The following IAH1 variants were observed in gnomAD, a reference collection of about 807,000 sequenced individuals.
IAH1 encodes the protein isoamyl acetate hydrolyzing esterase 1 (putative).
Under a neutral mutation model 26.7 loss-of-function variants are expected in IAH1, and 24 were observed. That is an observed-to-expected ratio of 0.90 (90% CI 0.65 to 1.26). The LOEUF (loss-of-function observed/expected upper bound fraction) is 1.26, where lower values mean the gene tolerates loss of function less well. IAH1 is among the 50% of genes most tolerant of loss of function. IAH1 has a pLI of 0.00. For synonymous variants in IAH1, 140 were observed against 118.5 expected (o/e 1.18, Z -1.18); for missense variants, 300 against 299.9 (o/e 1.00, Z 0.00).
chr2:9,490,483 C>T (rs1016756984), downstream of IAH1: 9 of 1,613,786 alleles, frequency 5.6e-6, no homozygotes, highest in Admixed American at 1.7e-5. Flanking sequence ...TAATGCGAAC[C>T]GATGCAGAAT....
the IAH1 span, among the ~76,000 whole-genome samples, chr2:9,505,763 C>A: frequency 1.3e-4 from 20 of 152,204 alleles, no homozygotes; most frequent in African/African-American, 4.8e-4. Flanking sequence ...GAATTAAGAA[C>A]CTCTGTAGGT....
At chr2:9,496,097 GTTCT>G (rs1253672361) in intron 6 of IAH1, among the ~76,000 whole-genome samples, 5 of 151,850 alleles carry the variant, frequency 3.3e-5, no homozygotes, top group Admixed American at 1.3e-4. Flanking sequence ...TAACTACCGG[GTTCT>G]TTGTCTTTTA....
chr2:9,501,847 C>A, the IAH1 span, among the ~76,000 whole-genome samples: 1 of 151,972 alleles, frequency 6.6e-6, no homozygotes, highest in Non-Finnish European at 1.5e-5. Context: ...GGTAGAATAT[C>A]ATTTTGGCAC....
intron 4 of IAH1, among the ~76,000 whole-genome samples, chr2:9,483,871 T>G (rs1003749844): frequency 6.6e-6 from 1 of 152,230 alleles, no homozygotes; most frequent in African/African-American, 2.4e-5. Context: ...ATCATAAGAA[T>G]GCAGAAAGCT....
At chr2:9,497,328 C>A, downstream of IAH1, 1 of 1,561,516 alleles carries the variant, frequency 6.4e-7, no homozygotes, top group South Asian at 1.2e-5. Context: ...CGCTGTTTCT[C>A]ATACAAGTGA....
intron 3 of IAH1, among the ~76,000 whole-genome samples, chr2:9,479,552 T>C (rs1661032347): frequency 6.6e-6 from 1 of 152,124 alleles, no homozygotes; most frequent in South Asian, 2.1e-4. Flanking sequence ...TATCAAAAAA[T>C]GCCAATTAAA....
At chr2:9,474,087 C>T (rs1390282126), upstream of IAH1, among the ~76,000 whole-genome samples, 1 of 152,180 alleles carries the variant, frequency 6.6e-6, no homozygotes, top group African/African-American at 2.4e-5. This position sits in a 1 kb window ranked among gnomAD's most constrained non-coding sequence, Gnocchi z 4.3. Context: ...GAGGTACTGC[C>T]AGGGTTTCCG....
At chr2:9,497,719 G>A (rs941156693), downstream of IAH1, among the ~76,000 whole-genome samples, 1 of 152,018 alleles carries the variant, frequency 6.6e-6, no homozygotes, top group African/African-American at 2.4e-5. Context: ...CTGGAATGCT[G>A]GTGTTTCCAC....
chr2:9,493,813 T>G, downstream of IAH1: 2 of 1,613,908 alleles, frequency 1.2e-6, no homozygotes, highest in Non-Finnish European at 1.7e-6. Context: ...TGTACTCGTT[T>G]CTCACATTTG....
chr2:9,494,837 C>G (rs1662445116), exon 6 of IAH1: 3 of 1,575,022 alleles, frequency 1.9e-6, no homozygotes, highest in South Asian at 2.3e-5. Flanking sequence ...CTCCTCTTTC[C>G]TCCCTGACCA....
intron 4 of IAH1, among the ~76,000 whole-genome samples, chr2:9,482,788 G>T (rs1008030873): frequency 6.6e-6 from 1 of 152,200 alleles, no homozygotes; most frequent in African/African-American, 2.4e-5. Context: ...GCCACACACC[G>T]GAGGCACAGA....
At chr2:9,493,615 T>C, downstream of IAH1, 1 of 714,788 alleles carries the variant, frequency 1.4e-6, no homozygotes, top group Non-Finnish European at 2.3e-6. Flanking sequence ...CAAAGTTGTT[T>C]CATAACTAAA....
chr2:9,476,335 A>G (rs1660787700), intron 2 of IAH1, among the ~76,000 whole-genome samples: 1 of 152,284 alleles, frequency 6.6e-6, no homozygotes, highest in African/African-American at 2.4e-5. Flanking sequence ...CTATGACTGC[A>G]GAACTTGCAG....
chr2:9,478,681 G>A (rs116147469), intron 3 of IAH1, among the ~76,000 whole-genome samples: 293 of 152,282 alleles, frequency 1.9e-3, no homozygotes, highest in African/African-American at 6.7e-3. Flanking sequence ...GAAAGCTTAA[G>A]GATACCTTGT....
upstream of IAH1, among the ~76,000 whole-genome samples, chr2:9,474,100 G>C (rs1245019441): frequency 1.3e-5 from 2 of 152,146 alleles, no homozygotes; most frequent in Non-Finnish European, 2.9e-5. This position sits in a 1 kb window ranked among gnomAD's most constrained non-coding sequence, Gnocchi z 4.3. Flanking sequence ...GGTTTCCGCA[G>C]TGCCTGCGTC....
intron 5 of IAH1, chr2:9,485,178 T>C (rs1378362555): frequency 2.0e-5 from 3 of 152,346 alleles, no homozygotes; most frequent in African/African-American, 4.8e-5. Flanking sequence ...AACACGCCAG[T>C]GTCCTTCTGT....
chr2:9,483,794 C>G (rs1165783230), intron 4 of IAH1, among the ~76,000 whole-genome samples: 2 of 152,184 alleles, frequency 1.3e-5, no homozygotes, highest in Non-Finnish European at 2.9e-5. Context: ...TCGTTCTGTG[C>G]TAGCTGCTTT....
downstream of IAH1, chr2:9,490,448 G>A: frequency 6.2e-7 from 1 of 1,614,180 alleles, no homozygotes; most frequent in East Asian, 2.2e-5. Context: ...GCGGCCTGGA[G>A]TCTGGGGCGC....
At chr2:9,511,376 G>C in the IAH1 span, among the ~76,000 whole-genome samples, 2 of 152,102 alleles carry the variant, frequency 1.3e-5, no homozygotes, top group Non-Finnish European at 1.5e-5. Context: ...CTTGAACCCA[G>C]GAGGCGGAGG....
Sources: gnomAD v4.1 joint callset for allele counts (sites outside exome capture counted in the v4.1 genomes callset) on GRCh38, gnomAD v4.1.1 for gene constraint, Gnocchi (gnomAD v3.1) non-coding constraint, MANE v1.5 for transcripts, NCBI Gene and HGNC (gene_info 2026-07-23, HGNC 2026-07-21) for gene names.